Variants in GPC5 observed in about 807,000 individuals in gnomAD.
GPC5 encodes the protein glypican-5.
Under a neutral mutation model 53.9 loss-of-function variants are expected in GPC5, and 47 were observed. That is an observed-to-expected ratio of 0.87 (90% confidence interval 0.69 to 1.11). The LOEUF is 1.11. Among genes scored for constraint, GPC5 ranks in the 50% most tolerant of loss-of-function variants. The pLI, the probability that GPC5 is intolerant of heterozygous loss-of-function variation, is 0.00. For synonymous variants in GPC5, 286 were observed against 263.3 expected (o/e 1.09, Z -0.84); for missense variants, 748 against 713.1 (o/e 1.05, Z -0.56).
intron 7 of GPC5, among the ~76,000 whole-genome samples, chr13:92,736,926 T>C (rs1449399062): frequency 2.0e-5 from 3 of 152,168 alleles, no homozygotes; most frequent in South Asian, 2.1e-4. Context: ...GTCTATGTTT[T>C]TCTCTAAATA....
intron 7 of GPC5, among the ~76,000 whole-genome samples, chr13:92,560,889 G>GTGTGTGTGTA (rs1882674542): frequency 6.6e-6 from 1 of 151,112 alleles, no homozygotes; most frequent in Admixed American, 6.6e-5. Context: ...GTGTGTGTGT[G>GTGTGTGTGTA]TGTGTGTGTA....
At chr13:91,626,200 A>C (rs1016566381) in intron 2 of GPC5, among the ~76,000 whole-genome samples, 2 of 152,152 alleles carry the variant, frequency 1.3e-5, no homozygotes, top group African/African-American at 4.8e-5. Context: ...TCTATACTTC[A>C]AGGTTACTAG....
In GPC5 at chr13:91,505,923, T is replaced by C. The variant is rs1594181560; in HGVS notation, c.325+57001T>C. Among the ~76,000 whole-genome samples the C allele has an allele frequency of 2.6e-5, 4 of 152,326 alleles. No homozygotes were observed. The South Asian group carries it at 8.3e-4, about 32-fold the overall frequency. On this transcript the variant is annotated intron_variant, in intron 2 of 7. Transcript: ENST00000377067. ...CAGAGAATACCAAGGTTTTAAGCAGTTTAAAAGTGCAATATATTATTTTAT... is the reference window on the plus strand; with the variant it reads ...CAGAGAATACCAAGGTTTTAAGCAGCTTAAAAGTGCAATATATTATTTTAT...
rs143821468 is a variant in GPC5 at position 92,516,235 on chromosome 13, G to C, written c.1562-350047G>C. On this transcript the variant is annotated intron_variant, in intron 7 of 7. Transcript: ENST00000377067. ...TGAGTACTGTGGGAGAACATACTGAGGTCTACACAAGAAAATAATAATAAT... is the reference window on the plus strand; with the variant it reads ...TGAGTACTGTGGGAGAACATACTGACGTCTACACAAGAAAATAATAATAAT... Among the ~76,000 whole-genome samples, 341 of 151,744 alleles carry C rather than the reference G, an allele frequency of 2.2e-3. 2 individuals carry two copies. The highest frequency in any genetic ancestry group is 8.1e-3 in the African/African-American group (335 of 41,384).
chr13:91,889,782 A>G (rs1345238856), intron 5 of GPC5, among the ~76,000 whole-genome samples: 2 of 152,224 alleles, frequency 1.3e-5, no homozygotes, highest in Non-Finnish European at 2.9e-5. Flanking sequence ...TAAAACAGAC[A>G]TACTACTTGA....
At chr13:92,760,667 C>G (rs930143061) in intron 7 of GPC5, among the ~76,000 whole-genome samples, 1 of 150,330 alleles carries the variant, frequency 6.7e-6, no homozygotes, top group South Asian at 2.1e-4. Flanking sequence ...ACTTTTGTTT[C>G]GATTTTTATT....
chr13:92,130,953 A>C (rs1448373502), intron 6 of GPC5, among the ~76,000 whole-genome samples: 1 of 151,964 alleles, frequency 6.6e-6, no homozygotes, highest in Admixed American at 6.6e-5. Context: ...AAAAAAACAG[A>C]AACAGAAGAT....
intron 7 of GPC5, among the ~76,000 whole-genome samples, chr13:92,183,293 C>T (rs948003091): frequency 6.6e-6 from 1 of 152,062 alleles, no homozygotes; most frequent in African/African-American, 2.4e-5. Flanking sequence ...TAAGCTTTTT[C>T]CTCTGTCAAC....
At chr13:92,359,234 C>T (rs9523644) in intron 7 of GPC5, among the ~76,000 whole-genome samples, 13,714 of 151,716 alleles carry the variant, frequency 0.09, 823 homozygotes, top group Middle Eastern at 0.15. Flanking sequence ...AGAGCAGGGA[C>T]ATAATGCCAC....
Position 91,902,907 on chromosome 13 carries a change from A to G in GPC5, c.1281-5030A>G, listed in dbSNP as rs555648340. ...TCTTTTTTATTTATACTGTGGCTCA[A>G]TGAAAATTTGTCTATTGTAAACATA... On this transcript the variant is annotated intron_variant, in intron 5 of 7. Coordinates refer to ENST00000377067, the MANE Select transcript of GPC5 (RefSeq NM_004466.6). 1.3e-3 allele frequency among the ~76,000 whole-genome samples: 193 copies of G among 152,148 alleles called. 1 individual carries two copies. Among genetic ancestry groups the G allele is most frequent in the Non-Finnish European group, 2.1e-3 (144 of 67,970 alleles).
intron 2 of GPC5, among the ~76,000 whole-genome samples, chr13:91,630,786 G>A (rs1318795221): frequency 6.6e-6 from 1 of 152,098 alleles, no homozygotes; most frequent in Non-Finnish European, 1.5e-5. Flanking sequence ...TTTCTTCTGG[G>A]GAAAATGTGG....
chr13:92,768,168 T>A (rs1323026423), intron 7 of GPC5, among the ~76,000 whole-genome samples: 1 of 152,344 alleles, frequency 6.6e-6, no homozygotes, highest in Admixed American at 6.5e-5. Flanking sequence ...AGTTTTTTCA[T>A]ACGTAGAATT....
chr13:91,832,419 G>A (rs1457038948), intron 5 of GPC5, among the ~76,000 whole-genome samples: 3 of 151,202 alleles, frequency 2.0e-5, no homozygotes, highest in South Asian at 4.2e-4. Context: ...ACACTGATGG[G>A]TCTTGACTAT....
chr13:92,475,588 TA>T (rs1410967690), intron 7 of GPC5, among the ~76,000 whole-genome samples: 4 of 151,984 alleles, frequency 2.6e-5, no homozygotes, highest in Non-Finnish European at 4.4e-5. Context: ...CTTATCAGCT[TA>T]AAGGAGATTT....
At chr13:92,138,531 AAAT>A (rs1377995442) in intron 6 of GPC5, among the ~76,000 whole-genome samples, 1 of 150,888 alleles carries the variant, frequency 6.6e-6, no homozygotes, top group Non-Finnish European at 1.5e-5. Flanking sequence ...AAAAAATAAA[AAAT>A]AAAAAATAAA....
chr13:92,291,337 A>G (rs2042993888), intron 7 of GPC5, among the ~76,000 whole-genome samples: 1 of 152,206 alleles, frequency 6.6e-6, no homozygotes, highest in Non-Finnish European at 1.5e-5. Context: ...GAGAACCTTT[A>G]TGTCTAGCTA....
chr13:91,812,031 A>T (rs2038320134), intron 5 of GPC5, among the ~76,000 whole-genome samples: 1 of 152,204 alleles, frequency 6.6e-6, no homozygotes, highest in Non-Finnish European at 1.5e-5. Context: ...TAGACTATGA[A>T]TAAAGTGGCG....
chr13:91,413,899 T>C (rs1877994996), intron 1 of GPC5, among the ~76,000 whole-genome samples: 1 of 152,206 alleles, frequency 6.6e-6, no homozygotes, highest in African/African-American at 2.4e-5. Context: ...CTAAACTAAC[T>C]TCAGAGCCAG....
chr13:91,601,793 T>G (rs2033190161), intron 2 of GPC5, among the ~76,000 whole-genome samples: 1 of 152,196 alleles, frequency 6.6e-6, no homozygotes, highest in African/African-American at 2.4e-5. Context: ...GTATAATTAT[T>G]TCATTATATA....
Sources: allele counts gnomAD v4.1 joint callset (sites outside exome capture counted in the v4.1 genomes callset), GRCh38; gene constraint gnomAD v4.1.1; transcripts MANE v1.5; gene names NCBI Gene and HGNC (gene_info 2026-07-23, HGNC 2026-07-21).